Variants in SAMM50 observed in about 807,000 individuals in gnomAD.
The protein encoded by SAMM50 is SAMM50 sorting and assembly machinery component, also known as sorting and assembly machinery component 50 homolog.
In SAMM50, 47 loss-of-function variants were observed where a neutral mutation model predicts 66.9. The observed-to-expected ratio is 0.70, with a 90% CI of 0.56 to 0.90. The LOEUF (loss-of-function observed/expected upper bound fraction) is 0.90, where lower values mean the gene tolerates loss of function less well. Ranked by LOEUF, SAMM50 falls within the 40% of genes least tolerant of loss-of-function variation. The pLI, the probability that SAMM50 is intolerant of heterozygous loss-of-function variation, is 0.00. For synonymous variants in SAMM50, 191 were observed against 214.1 expected (o/e 0.89, Z 0.94); for missense variants, 535 against 595.3 (o/e 0.90, Z 1.05).
chr22:43,990,268 A>G lies in SAMM50; in HGVS notation c.1226A>G (p.Glu409Gly). 1 of 1,614,064 alleles carries G rather than the reference A, an allele frequency of 6.2e-7. No individual in the cohort carries two copies. The highest frequency in any genetic ancestry group is 8.5e-7 in the Non-Finnish European group (1 of 1,179,978). Residue 409 changes from glutamate (E) to glycine (G), a missense_variant, in exon 14 of 15, where the codon GAG (glutamate) becomes GGG (glycine). Physicochemically the swap from Glu to Gly is moderately conservative, Grantham distance 98. Coordinates refer to ENST00000350028, the MANE Select transcript of SAMM50 (RefSeq NM_015380.5). ...TCACAGGTCTTTCTCTTTTCAGGGG[A>G]GGGCCCCAAAGCTCATATTCGTAAG... ...AGNLCNLNYG[E>G]GPKAHIRKLA...
intron 4 of SAMM50, among the ~76,000 whole-genome samples, chr22:43,971,201 C>T (rs1475593332): frequency 6.6e-6 from 1 of 152,126 alleles, no homozygotes; most frequent in Non-Finnish European, 1.5e-5. Context: ...GAGGCTCCAC[C>T]CTAGAACTGT....
Position 43,955,458 on chromosome 22 carries a change from G to T in SAMM50, c.-120G>T. 1 of 1,177,344 alleles carries T rather than the reference G, an allele frequency of 8.5e-7. No homozygotes were observed. Among genetic ancestry groups the T allele is most frequent in the Non-Finnish European group, 1.2e-6 (1 of 816,874 alleles). 72.9% of individuals were successfully genotyped at this position (1,177,344 alleles called of 1,614,324 possible). ...GCCGCCCCCAGTGTTCCGCGTCCGG[G>T]GGTTTGTGGGAGTTGCCTTGACCTG... On this transcript the variant is annotated 5_prime_UTR_variant, in exon 1 of 15. Coordinates refer to ENST00000350028, the MANE Select transcript of SAMM50 (RefSeq NM_015380.5).
intron 10 of SAMM50, among the ~76,000 whole-genome samples, chr22:43,981,065 C>T (rs530244041): frequency 2.0e-5 from 3 of 152,260 alleles, no homozygotes; most frequent in Admixed American, 6.5e-5. Context: ...GCTCCCTCCT[C>T]TGTGAGGCCT....
chr22:43,976,766 A>C lies in SAMM50; in HGVS notation c.794A>C (p.Asp265Ala), dbSNP rs748738734. The C allele has an allele frequency of 3.1e-6, 5 of 1,612,372 alleles. No homozygotes were observed. The Admixed American group carries it at 5.0e-5, about 16-fold the overall frequency. Residue 265 changes from aspartate to alanine, a missense_variant, in exon 9 of 15, where the codon GAT becomes GCT. Transcript: ENST00000350028. ...TTCTTTCAGCACGCCATGGTCATCGATTCTCGGAATTCTTCCATCTTACCA... is the reference window on the plus strand; with the variant it reads ...TTCTTTCAGCACGCCATGGTCATCGCTTCTCGGAATTCTTCCATCTTACCA... Reference protein sequence around the residue: ...KSSLSHAMVIDSRNSSILPRR... With the variant: ...KSSLSHAMVIASRNSSILPRR...
At chr22:43,996,219 G>A (rs2050353383) in intron 14 of SAMM50, 119 bp from the exon 15 acceptor site, 1 of 1,092,502 alleles carries the variant, frequency 9.2e-7, no homozygotes, top group Non-Finnish European at 1.4e-6. Context: ...CAGGCAGGAA[G>A]GCAGCAGGAG....
chr22:43,996,346 A>G lies in SAMM50; in HGVS notation c.1373A>G (p.Asp458Gly). ...MGVQTGDRICDGVQFGAGIRF... is the reference protein window; with the variant it reads ...MGVQTGDRICGGVQFGAGIRF... ...CTCTCCCCTTTTTTTAGGATATGTGATGGCGTCCAGTTTGGAGCTGGGATA... is the reference window on the plus strand; with the variant it reads ...CTCTCCCCTTTTTTTAGGATATGTGGTGGCGTCCAGTTTGGAGCTGGGATA... The change falls in exon 15 of 15, where the codon GAT becomes GGT. Residue 458 changes from aspartate (D) to glycine (G), a missense_variant. Coordinates refer to ENST00000350028, the MANE Select transcript of SAMM50 (RefSeq NM_015380.5). 6.2e-7 allele frequency: 1 copy of G among 1,614,056 alleles called. No homozygotes were observed. Among genetic ancestry groups the G allele is most frequent in the Non-Finnish European group, 8.5e-7 (1 of 1,179,996 alleles).
intron 7 of SAMM50, 124 bp from the exon 8 acceptor site, chr22:43,975,931 T>G (rs1569030073): frequency 1.0e-6 from 1 of 970,002 alleles, no homozygotes; most frequent in Non-Finnish European, 1.5e-6. Flanking sequence ...TCTCCCTCTC[T>G]CTCATCATTA....
chr22:43,965,459 C>T (rs1012780013), intron 3 of SAMM50, among the ~76,000 whole-genome samples: 9 of 152,102 alleles, frequency 5.9e-5, no homozygotes, highest in East Asian at 5.8e-4. Context: ...CCACCTGCCT[C>T]GGCCTGCCAA....
chr22:43,963,154 C>T (rs937337719), intron 1 of SAMM50, 132 bp from the exon 2 acceptor site: 4 of 583,522 alleles, frequency 6.9e-6, no homozygotes, highest in African/African-American at 3.8e-5. Context: ...GGTCCCTATT[C>T]CTGCCCCTAC....
intron 1 of SAMM50, among the ~76,000 whole-genome samples, chr22:43,961,527 G>A (rs2146805863): frequency 6.6e-6 from 1 of 152,266 alleles, no homozygotes; most frequent in Admixed American, 6.5e-5. Context: ...TTAGCTCACT[G>A]CAACCTCTGT....
At chr22:43,993,786 A>C (rs2050338252) in intron 14 of SAMM50, among the ~76,000 whole-genome samples, 1 of 152,262 alleles carries the variant, frequency 6.6e-6, no homozygotes, top group Non-Finnish European at 1.5e-5. Flanking sequence ...AGCTGGCAGG[A>C]TGGGGTATCG....
At chr22:43,991,275 ATTTTTT>A (rs938187573) in intron 14 of SAMM50, among the ~76,000 whole-genome samples, 14 of 116,642 alleles carry the variant, frequency 1.2e-4, no homozygotes, top group Admixed American at 5.3e-4. Flanking sequence ...CACGCCCGGC[ATTTTTT>A]TTTTTTTTTT....
intron 3 of SAMM50, among the ~76,000 whole-genome samples, chr22:43,967,856 C>T (rs9626074): frequency 0.057 from 8,703 of 152,210 alleles, 269 homozygotes; most frequent in Middle Eastern, 0.078. Context: ...GAATGGACTC[C>T]GTGCATCAGA....
At chr22:43,984,857 C>G (rs1446810694) in intron 12 of SAMM50, among the ~76,000 whole-genome samples, 1 of 151,964 alleles carries the variant, frequency 6.6e-6, no homozygotes, top group Non-Finnish European at 1.5e-5. Flanking sequence ...GTCTTGAACT[C>G]CTGACCTCGT....
chr22:43,959,362 A>C (rs547319537), intron 1 of SAMM50, among the ~76,000 whole-genome samples: 1 of 152,136 alleles, frequency 6.6e-6, no homozygotes, highest in Non-Finnish European at 1.5e-5. Context: ...CTCACTTTAA[A>C]GATGCTGTTC....
intron 12 of SAMM50, among the ~76,000 whole-genome samples, chr22:43,986,070 T>C (rs1425330757): frequency 1.8e-5 from 1 of 55,866 alleles, no homozygotes; most frequent in Non-Finnish European, 3.0e-5. Flanking sequence ...TGAGATGGAG[T>C]CTTGCTCTGT....
chr22:43,982,009 T>C (rs957634555), intron 11 of SAMM50, among the ~76,000 whole-genome samples: 1 of 152,228 alleles, frequency 6.6e-6, no homozygotes, highest in Non-Finnish European at 1.5e-5. Flanking sequence ...GGGTGCTGCT[T>C]TTAGGAAGCT....
intron 7 of SAMM50, 167 bp from the exon 8 acceptor site, chr22:43,975,888 G>T: frequency 1.5e-6 from 1 of 660,316 alleles, no homozygotes. Flanking sequence ...TCTTCCCTCT[G>T]GTTTTCTCTT....
chr22:43,977,949 AT>A lies in SAMM50; in HGVS notation c.930del (p.Phe310LeufsTer53). 1.2e-6 allele frequency: 2 copies of A among 1,609,882 alleles called. No individual in the cohort carries two copies. The highest frequency in any genetic ancestry group is 1.3e-5 in the African/African-American group (1 of 74,938). On this transcript the variant is annotated frameshift_variant, in exon 10 of 15. Transcript: ENST00000350028. LOFTEE classifies it high-confidence loss of function. Reference protein sequence around the residue: ...FELQLNKQLIFDSVFSASFWG... With the variant: ...FELQLNKQLIXDSVFSASFWG... ...AACTTCAGTTGAACAAGCAACTCAT[AT>A]TTGATTCAGTGAGTATCTAACGGAT...
Sources: gnomAD v4.1 joint callset for allele counts (sites outside exome capture counted in the v4.1 genomes callset) on GRCh38, gnomAD v4.1.1 for gene constraint, MANE v1.5 for transcripts, NCBI Gene and HGNC (gene_info 2026-07-23, HGNC 2026-07-21) for gene names.